MAPRE2: variants seen among roughly 807,000 people sequenced by gnomAD.
MAPRE2 encodes the protein microtubule associated protein RP/EB family member 2, also known as microtubule-associated protein RP/EB family member 2.
A neutral mutation model predicts 43.2 loss-of-function variants in MAPRE2; 13 were observed. That is an observed-to-expected ratio of 0.30 (90% confidence interval 0.20 to 0.48). The LOEUF is 0.48. MAPRE2 is among the 20% of genes least tolerant of loss of function. The pLI, the probability that MAPRE2 is intolerant of heterozygous loss-of-function variation, is 0.99. For missense variants in MAPRE2, 161 were observed against 400.2 expected, an observed-to-expected ratio of 0.40 and a Z score of 5.10; for synonymous variants, 135 against 148.8, an observed-to-expected ratio of 0.91 and a Z score of 0.68.
At chr18:34,979,176 C>T (rs1007820460) in intron 1 of MAPRE2, among the ~76,000 whole-genome samples, 2 of 152,150 alleles carry the variant, frequency 1.3e-5, no homozygotes, top group African/African-American at 4.8e-5. Context: ...AACATTTTTC[C>T]CTTCCCTGGC....
upstream of MAPRE2, among the ~76,000 whole-genome samples, chr18:35,037,245 C>A (rs986287746): frequency 6.6e-6 from 1 of 152,000 alleles, no homozygotes; most frequent in African/African-American, 2.4e-5. Flanking sequence ...TTAGGATATG[C>A]CTAACATGTT....
chr18:35,078,081 C>G (rs1907457755), intron 2 of MAPRE2, among the ~76,000 whole-genome samples: 1 of 152,090 alleles, frequency 6.6e-6, no homozygotes, highest in Non-Finnish European at 1.5e-5. Context: ...GAAAAATAGT[C>G]ATTTCCTTTT....
chr18:35,048,428 G>A (rs9966481), intron 1 of MAPRE2, among the ~76,000 whole-genome samples: 132 of 151,702 alleles, frequency 8.7e-4, no homozygotes, highest in African/African-American at 2.4e-3. Flanking sequence ...ATGTGTGTGT[G>A]TGTGTATTTA....
rs187117036 is a variant in MAPRE2 at position 34,982,971 on chromosome 18, A to C, written c.-70+5892A>C. Among the ~76,000 whole-genome samples, 99 of 152,316 alleles carry C rather than the reference A, an allele frequency of 6.5e-4. 1 individual carries two copies. The Middle Eastern group carries it at 0.01, about 16-fold the overall frequency. On this transcript the variant is annotated intron_variant, in intron 1 of 7. Transcript: ENST00000413393. Reference sequence around the variant, plus strand: ...TAAAGTTTTATTGGACTGCAGCCATACTTGTTTGTTTACATCTTGTCTATG... The same window carrying C: ...TAAAGTTTTATTGGACTGCAGCCATCCTTGTTTGTTTACATCTTGTCTATG...
intron 1 of MAPRE2, among the ~76,000 whole-genome samples, chr18:35,069,531 A>T (rs659670): frequency 0.3 from 45,176 of 151,994 alleles, 8,512 homozygotes; most frequent in East Asian, 0.52. Context: ...ATCAAACAAG[A>T]TGGTCAAGTA....
At chr18:35,097,005 T>C (rs761824735) in intron 2 of MAPRE2, among the ~76,000 whole-genome samples, 3 of 152,210 alleles carry the variant, frequency 2.0e-5, no homozygotes, top group African/African-American at 4.8e-5. Flanking sequence ...AGAACTTTTG[T>C]AGTTCTCTCA....
At chr18:35,095,363 T>TACACACACACAC (rs34361204) in intron 2 of MAPRE2, among the ~76,000 whole-genome samples, 60 of 136,162 alleles carry the variant, frequency 4.4e-4, no homozygotes, top group Non-Finnish European at 6.8e-4. Flanking sequence ...TTTAAGAAAA[T>TACACACACACAC]ACACACACAC....
intron 2 of MAPRE2, among the ~76,000 whole-genome samples, chr18:35,075,639 A>T (rs1396852746): frequency 1.3e-5 from 2 of 152,232 alleles, no homozygotes. Flanking sequence ...GTGATATATT[A>T]CATAGAGTCT....
intron 1 of MAPRE2, among the ~76,000 whole-genome samples, chr18:34,985,687 TATA>T (rs1265355697): frequency 8.1e-6 from 1 of 123,630 alleles, no homozygotes; most frequent in Non-Finnish European, 1.6e-5. Context: ...ATATATATTA[TATA>T]ATATGTGATA....
chr18:35,105,773 A>C (rs971978271), intron 4 of MAPRE2, among the ~76,000 whole-genome samples: 7 of 152,024 alleles, frequency 4.6e-5, no homozygotes, highest in African/African-American at 1.7e-4. Flanking sequence ...AAAAAAAAAA[A>C]CTTAAAACCT....
At chr18:35,093,937 T>G (rs529146086) in intron 2 of MAPRE2, among the ~76,000 whole-genome samples, 3 of 152,230 alleles carry the variant, frequency 2.0e-5, no homozygotes, top group African/African-American at 4.8e-5. Context: ...GTACCCTATT[T>G]AGAGCTAACA....
At chr18:35,091,587 A>G (rs1303364263) in intron 2 of MAPRE2, among the ~76,000 whole-genome samples, 1 of 152,218 alleles carries the variant, frequency 6.6e-6, no homozygotes, top group Non-Finnish European at 1.5e-5. Context: ...ATGGAACCAC[A>G]AAAGACCCTG....
At chr18:34,985,304 GTA>G (rs1491157516) in intron 1 of MAPRE2, among the ~76,000 whole-genome samples, 1 of 7,094 alleles carries the variant, frequency 1.4e-4, no homozygotes, top group Non-Finnish European at 2.6e-4. Context: ...ATTATATATT[GTA>G]TATATTATAT....
At chr18:35,116,816 C>T (rs1285574087) in intron 4 of MAPRE2, among the ~76,000 whole-genome samples, 2 of 152,288 alleles carry the variant, frequency 1.3e-5, no homozygotes, top group South Asian at 2.1e-4. Flanking sequence ...ACGGGTCTTA[C>T]ATACACTCAA....
intron 2 of MAPRE2, among the ~76,000 whole-genome samples, chr18:35,012,223 G>T (rs1292083598): frequency 2.0e-5 from 3 of 152,074 alleles, no homozygotes; most frequent in African/African-American, 7.2e-5. Context: ...CGTTAAAAAA[G>T]ATATAGATAT....
At chr18:35,101,774 T>C (rs1908693049) in intron 3 of MAPRE2, among the ~76,000 whole-genome samples, 172 bp from the exon 4 acceptor site, 1 of 152,224 alleles carries the variant, frequency 6.6e-6, no homozygotes, top group South Asian at 2.1e-4. Context: ...ACATTTTCTT[T>C]ATCCATTCAT....
intron 2 of MAPRE2, among the ~76,000 whole-genome samples, chr18:35,029,058 T>C (rs2097046596): frequency 6.6e-6 from 1 of 152,230 alleles, no homozygotes; most frequent in African/African-American, 2.4e-5. Context: ...TTCTACTTTC[T>C]GTACATGTTG....
intron 3 of MAPRE2, among the ~76,000 whole-genome samples, chr18:35,101,236 T>G (rs1420822516): frequency 1.3e-5 from 2 of 152,176 alleles, no homozygotes; most frequent in African/African-American, 4.8e-5. Flanking sequence ...TAATGATGTT[T>G]TGGTTTAGTT....
intron 1 of MAPRE2, among the ~76,000 whole-genome samples, chr18:35,067,615 G>T (rs1225551517): frequency 6.6e-6 from 1 of 151,758 alleles, no homozygotes; most frequent in Non-Finnish European, 1.5e-5. Context: ...AATTTGGTTT[G>T]GTGCCATCTA....
Sources: gnomAD v4.1 joint callset for allele counts (sites outside exome capture counted in the v4.1 genomes callset) on GRCh38, gnomAD v4.1.1 for gene constraint, MANE v1.5 for transcripts, NCBI Gene and HGNC (gene_info 2026-07-23, HGNC 2026-07-21) for gene names.